The following FYB2 variants were observed in gnomAD, a reference collection of about 807,000 sequenced individuals.
FYB2 encodes the protein FYN-binding protein 2.
FYB2 carries 103 observed loss-of-function variants against 94.1 expected under a neutral mutation model. The observed-to-expected ratio is 1.09, with a 90% CI of 0.93 to 1.29. FYB2 has a LOEUF of 1.29. Ranked by LOEUF, FYB2 falls within the 50% of genes most tolerant of loss-of-function variation. The pLI, the probability that FYB2 is intolerant of heterozygous loss-of-function variation, is 0.00. For missense variants in FYB2, 896 were observed against 841.5 expected, an observed-to-expected ratio of 1.06 and a Z score of -0.80; for synonymous variants, 293 against 287.9, an observed-to-expected ratio of 1.02 and a Z score of -0.18.
chr1:56,821,575 A>G (rs1646992335), upstream of FYB2, among the ~76,000 whole-genome samples: 1 of 152,202 alleles, frequency 6.6e-6, no homozygotes, highest in Non-Finnish European at 1.5e-5. Flanking sequence ...TTAAGGACAA[A>G]TGGCCATGGG....
chr1:56,757,122 T>TA (rs1336310511), intron 6 of FYB2, among the ~76,000 whole-genome samples: 7 of 152,048 alleles, frequency 4.6e-5, no homozygotes, highest in African/African-American at 1.7e-4. Flanking sequence ...ATTTAAAAAT[T>TA]AAAAATAATT....
At chr1:56,825,624 C>G in the FYB2 span, among the ~76,000 whole-genome samples, 1 of 152,230 alleles carries the variant, frequency 6.6e-6, no homozygotes. Context: ...GTACTCATAC[C>G]CTCAAGTGCC....
At chr1:56,781,655 T>G (rs1646011785) in intron 4 of FYB2, among the ~76,000 whole-genome samples, 1 of 152,192 alleles carries the variant, frequency 6.6e-6, no homozygotes, top group Admixed American at 6.5e-5. Flanking sequence ...AATTTATTAT[T>G]TATACAGCAT....
rs1402610526 is a variant in FYB2, at chr1:56,790,667, C to T, written c.757+1389G>A. On this transcript the variant is annotated intron_variant, in intron 2 of 19. Transcript: ENST00000343433. ...GTTGAGAACAAGAACATGTATATTC[C>T]TACCTTCAGGAATTTTTATTCTAAT... Among the ~76,000 whole-genome samples the T allele has an allele frequency of 3.3e-5, 5 of 152,184 alleles. No homozygotes were observed. The South Asian group carries it at 8.3e-4, about 25-fold the overall frequency.
chr1:56,738,569 C>A, intron 14 of FYB2, 56 bp downstream of exon 14: 1 of 1,517,322 alleles, frequency 6.6e-7, no homozygotes, highest in South Asian at 1.2e-5. Context: ...CTTTCCCTGC[C>A]TCTGAATATA....
At chr1:56,766,489 A>G (rs920371114) in intron 5 of FYB2, among the ~76,000 whole-genome samples, 9 of 151,196 alleles carry the variant, frequency 6.0e-5, no homozygotes, top group Admixed American at 4.0e-4. Flanking sequence ...GCTGGAGTGC[A>G]GTGGCGCGAT....
At chr1:56,818,991 G>A (rs1160325584) in intron 1 of FYB2, among the ~76,000 whole-genome samples, 1 of 152,178 alleles carries the variant, frequency 6.6e-6, no homozygotes, top group Non-Finnish European at 1.5e-5. Context: ...CTGGGAATAG[G>A]TCAGGAGTCC....
At position 56,792,669 on chromosome 1, in the gene FYB2, A is replaced by T; in HGVS notation, c.144T>A (p.Ile48=). 6.2e-7 allele frequency: 1 copy of T among 1,614,034 alleles called. No individual in the cohort carries two copies. Among genetic ancestry groups the T allele is most frequent in the South Asian group, 1.1e-5 (1 of 91,064 alleles). The part of the protein sequence containing the change: ...GDIGGTQSTQ[I]LANGKPLSSN... ...ATGAGAGGGGTTTCCCATTGGCCAA[A>T]ATTTGAGTTGACTGTGTGCCTCCAA... is the stretch of plus-strand genomic sequence containing the variant. Residue 48 remains isoleucine (I), a synonymous_variant, in exon 2 of 20, where the codon ATT becomes ATA. Transcript: ENST00000343433.
chr1:56,759,502 T>C (rs1358990922), intron 5 of FYB2, among the ~76,000 whole-genome samples: 1 of 152,162 alleles, frequency 6.6e-6, no homozygotes, highest in East Asian at 1.9e-4. Flanking sequence ...TTATAGATAG[T>C]TGTGTATCTA....
At chr1:56,782,052 C>A (rs1012507544) in intron 4 of FYB2, among the ~76,000 whole-genome samples, 1 of 152,026 alleles carries the variant, frequency 6.6e-6, no homozygotes, top group Non-Finnish European at 1.5e-5. Context: ...TACATTCGTA[C>A]GATGTGTAAA....
At chr1:56,775,029 T>C (rs1219563572) in intron 4 of FYB2, among the ~76,000 whole-genome samples, 1 of 152,050 alleles carries the variant, frequency 6.6e-6, no homozygotes, top group Non-Finnish European at 1.5e-5. Context: ...GGGATACTTT[T>C]GAGATTTTGG....
chr1:56,742,268 G>A (rs1644973480), intron 11 of FYB2, 47 bp from the exon 12 acceptor site: 2 of 1,389,206 alleles, frequency 1.4e-6, no homozygotes, highest in East Asian at 4.7e-5. Context: ...AATAGCAATA[G>A]TTCAGATTCA....
intron 1 of FYB2, 56 bp from the exon 2 acceptor site, chr1:56,792,859 C>A: frequency 6.7e-7 from 1 of 1,495,338 alleles, no homozygotes; most frequent in East Asian, 2.3e-5. Flanking sequence ...CAAACAACAA[C>A]AACAAAAACA....
intron 1 of FYB2, among the ~76,000 whole-genome samples, chr1:56,799,616 G>A (rs1261983249): frequency 6.6e-6 from 1 of 152,140 alleles, no homozygotes; most frequent in Non-Finnish European, 1.5e-5. Context: ...AAAAGGTGAT[G>A]GGAAAATTCA....
At position 56,727,926 on chromosome 1, in the gene FYB2, T is replaced by C. The variant is rs377715451; in HGVS notation, c.1794-1343A>G. Among the ~76,000 whole-genome samples, 5 of 152,240 alleles carry C rather than the reference T, an allele frequency of 3.3e-5. No homozygotes were observed. The East Asian group carries it at 5.8e-4, about 18-fold the overall frequency. ...TACTTGGAGGCTGAAGTGAGAGGAT[T>C]GCTTGAGACAGGAGCTCAAAGTGCA... is the stretch of plus-strand genomic sequence containing the variant. On this transcript the variant is annotated intron_variant, in intron 15 of 19. Transcript: ENST00000343433.
At chr1:56,791,716 A>G (rs531708248) in intron 2 of FYB2, among the ~76,000 whole-genome samples, 16 of 152,312 alleles carry the variant, frequency 1.1e-4, no homozygotes, top group African/African-American at 2.9e-4. Flanking sequence ...TGTGTTGTTT[A>G]CCAAGACAGA....
intron 12 of FYB2, among the ~76,000 whole-genome samples, chr1:56,741,500 C>G (rs1227287151): frequency 6.6e-6 from 1 of 151,874 alleles, no homozygotes; most frequent in Non-Finnish European, 1.5e-5. Context: ...GTCAAATATC[C>G]TTTTGGGGCC....
rs111775647 is a variant in FYB2, at chr1:56,722,496, T to G, written c.1974+1092A>C. ...AGAGTAATTTATTTAATTAGAAGAT[T>G]TGGGCAAGTCTTCCTGGAGAAGAGG... On this transcript the variant is annotated intron_variant, in intron 17 of 19. Transcript: ENST00000343433. 2.3e-4 allele frequency among the ~76,000 whole-genome samples: 35 copies of G among 152,146 alleles called. 1 individual carries two copies. The highest frequency in any genetic ancestry group is 7.7e-4 in the African/African-American group (32 of 41,534).
intron 4 of FYB2, among the ~76,000 whole-genome samples, chr1:56,768,392 A>G (rs1935561): frequency 0.087 from 13,209 of 152,216 alleles, 1,089 homozygotes; most frequent in East Asian, 0.22. Context: ...CAGAGTTACA[A>G]TATGCTGTTC....
Sources: allele counts gnomAD v4.1 joint callset (sites outside exome capture counted in the v4.1 genomes callset), GRCh38; gene constraint gnomAD v4.1.1; transcripts MANE v1.5; gene names NCBI Gene and HGNC (gene_info 2026-07-23, HGNC 2026-07-21).